The following IRF2 variants were observed in gnomAD, a reference collection of about 807,000 sequenced individuals.
IRF2 encodes interferon regulatory factor 2.
IRF2 carries 15 observed loss-of-function variants against 40.6 expected under a neutral mutation model. That is an observed-to-expected ratio of 0.37 (90% CI 0.25 to 0.57). IRF2 has a LOEUF of 0.57. Ranked by LOEUF, IRF2 falls within the 20% of genes least tolerant of loss-of-function variation. IRF2 has a pLI of 0.77. For synonymous variants in IRF2, 151 were observed against 165.5 expected (o/e 0.91, Z 0.67); for missense variants, 317 against 455.7 (o/e 0.70, Z 2.77).
At chr4:184,445,007 C>T (rs901840740) in intron 1 of IRF2, among the ~76,000 whole-genome samples, 6 of 152,188 alleles carry the variant, frequency 3.9e-5, no homozygotes, top group African/African-American at 4.8e-5. Context: ...CAGGCCCTGC[C>T]GTACCATGGT....
At chr4:184,451,550 A>T (rs1738715192) in intron 1 of IRF2, among the ~76,000 whole-genome samples, 1 of 152,206 alleles carries the variant, frequency 6.6e-6, no homozygotes, top group Non-Finnish European at 1.5e-5. Context: ...CTAGGTCATC[A>T]AACTCCATTA....
At chr4:184,463,915 C>T (rs897428532) in intron 1 of IRF2, among the ~76,000 whole-genome samples, 5 of 152,184 alleles carry the variant, frequency 3.3e-5, no homozygotes, top group African/African-American at 1.2e-4. Flanking sequence ...AATACAACTT[C>T]TCAGGCTTCT....
intron 6 of IRF2, chr4:184,407,066 A>G: frequency 1.9e-6 from 1 of 538,760 alleles, no homozygotes; most frequent in East Asian, 6.9e-5. Flanking sequence ...TTTTATCAAG[A>G]AACACAACAG....
At chr4:184,463,759 A>G (rs1161005702) in intron 1 of IRF2, among the ~76,000 whole-genome samples, 8 of 152,130 alleles carry the variant, frequency 5.3e-5, no homozygotes, top group Non-Finnish European at 1.2e-4. Flanking sequence ...CTCCATGTTC[A>G]TAAAGAGAGT....
chr4:184,418,860 G>A, intron 3 of IRF2, 152 bp from the exon 4 acceptor site: 1 of 674,444 alleles, frequency 1.5e-6, no homozygotes, highest in South Asian at 2.0e-5. Context: ...TGGTGTACCT[G>A]GGGGTGAGAA....
chr4:184,469,057 AAAT>A (rs1277155686), intron 1 of IRF2, among the ~76,000 whole-genome samples: 1 of 152,240 alleles, frequency 6.6e-6, no homozygotes, highest in East Asian at 1.9e-4. Flanking sequence ...TAAACAAATG[AAAT>A]AATAACACAA....
chr4:184,401,690 C>T (rs1485601420), intron 6 of IRF2, among the ~76,000 whole-genome samples: 3 of 152,162 alleles, frequency 2.0e-5, no homozygotes, highest in Non-Finnish European at 4.4e-5. Context: ...CCTGCCCTAT[C>T]CTAAGTCCTA....
At chr4:184,405,988 T>C (rs1307326935) in intron 6 of IRF2, among the ~76,000 whole-genome samples, 3 of 152,046 alleles carry the variant, frequency 2.0e-5, no homozygotes, top group African/African-American at 7.2e-5. Context: ...GAATAAAGTA[T>C]GTTGTTGTGG....
chr4:184,467,113 TC>T (rs1739354768), intron 1 of IRF2, among the ~76,000 whole-genome samples: 1 of 152,306 alleles, frequency 6.6e-6, no homozygotes, highest in Admixed American at 6.5e-5. Context: ...CTAGCAGTTT[TC>T]CCATCAGCCT....
At position 184,388,183 on chromosome 4, in the gene IRF2, G is replaced by A. The variant is rs1736123126; in HGVS notation, c.*575C>T. The A allele has an allele frequency of 6.9e-6, 1 of 145,176 alleles. No homozygotes were observed. Among genetic ancestry groups the A allele is most frequent in the South Asian group, 2.5e-4 (1 of 3,976 alleles). The allele number at this position is 145,176 out of a possible 1,614,324, so 9.0% of individuals were successfully genotyped here. A position where few individuals can be genotyped will look rare whatever the true frequency, so the allele number is the denominator to read the frequency against. ...TCCGGATGTGGAATGGAAGCTTTGA[G>A]GGAAGGAAAAGTAGGAAAAGAGCGG... On this transcript the variant is annotated 3_prime_UTR_variant, in exon 9 of 9. Coordinates refer to ENST00000393593, the MANE Select transcript of IRF2 (RefSeq NM_002199.4). This position sits in a 1 kb window ranked among gnomAD's most constrained non-coding sequence, Gnocchi z 4.6.
At chr4:184,457,767 G>A (rs1363742238) in intron 1 of IRF2, among the ~76,000 whole-genome samples, 1 of 151,834 alleles carries the variant, frequency 6.6e-6, no homozygotes, top group African/African-American at 2.4e-5. Flanking sequence ...GCACAGCTGC[G>A]ACACGCCCTG....
chr4:184,465,295 C>T (rs1016805653), intron 1 of IRF2, among the ~76,000 whole-genome samples: 2 of 152,190 alleles, frequency 1.3e-5, no homozygotes, highest in South Asian at 2.1e-4. Context: ...CAGAAAGGCT[C>T]GAGAATGGCC....
chr4:184,455,153 C>T (rs920337082), intron 1 of IRF2, among the ~76,000 whole-genome samples: 2 of 151,952 alleles, frequency 1.3e-5, no homozygotes, highest in Non-Finnish European at 2.9e-5. Flanking sequence ...CATAATTCAT[C>T]CCCATCCCAC....
chr4:184,457,255 G>A (rs1268778029), intron 1 of IRF2, among the ~76,000 whole-genome samples: 3 of 152,244 alleles, frequency 2.0e-5, no homozygotes, highest in African/African-American at 7.2e-5. Flanking sequence ...ATGCAGGGAA[G>A]AAGCCTCAAT....
chr4:184,406,596 G>A (rs1345386670), intron 6 of IRF2, among the ~76,000 whole-genome samples: 1 of 152,112 alleles, frequency 6.6e-6, no homozygotes, highest in African/African-American at 2.4e-5. Flanking sequence ...CAAAAAGAAG[G>A]TGAAACAAAG....
chr4:184,427,386 C>A (rs1242248179), intron 2 of IRF2, among the ~76,000 whole-genome samples: 2 of 152,168 alleles, frequency 1.3e-5, no homozygotes, highest in East Asian at 3.8e-4. Flanking sequence ...CTGGGCACTG[C>A]GGCTCATGCC....
At chr4:184,417,999 T>C (rs564243701) in intron 5 of IRF2, among the ~76,000 whole-genome samples, 168 bp downstream of exon 5, 1 of 152,130 alleles carries the variant, frequency 6.6e-6, no homozygotes, top group Non-Finnish European at 1.5e-5. Flanking sequence ...TGTACCTCCA[T>C]GTCTGCAAGT....
At chr4:184,412,372 C>G (rs1305327813) in intron 5 of IRF2, among the ~76,000 whole-genome samples, 1 of 152,080 alleles carries the variant, frequency 6.6e-6, no homozygotes, top group African/African-American at 2.4e-5. Flanking sequence ...AGAGGGACTC[C>G]CCTCTGCTCC....
Position 184,465,430 on chromosome 4 carries a change from G to T in IRF2, c.-7+8949C>A, listed in dbSNP as rs530546081. ...TGAGAATATTTTTCTGGTTAAAAGG[G>T]TAATTGGTAATTGTGCTTGCTGTTT... is the stretch of plus-strand genomic sequence containing the variant. On this transcript the variant is annotated intron_variant, in intron 1 of 8. Coordinates refer to ENST00000393593, the MANE Select transcript of IRF2 (RefSeq NM_002199.4). Among the ~76,000 whole-genome samples, 6 of 152,188 alleles carry T rather than the reference G, an allele frequency of 3.9e-5. No individual in the cohort carries two copies. In the South Asian group the frequency reaches 1.2e-3, roughly 32 times the overall value.
Sources: gnomAD v4.1 joint callset for allele counts (sites outside exome capture counted in the v4.1 genomes callset) on GRCh38, gnomAD v4.1.1 for gene constraint, Gnocchi (gnomAD v3.1) non-coding constraint, MANE v1.5 for transcripts, NCBI Gene and HGNC (gene_info 2026-07-23, HGNC 2026-07-21) for gene names.